ADPRHL1: variants seen among roughly 807,000 people sequenced by gnomAD.
ADPRHL1 encodes the protein ADP-ribosylhydrolase like 1.
In ADPRHL1, 43 loss-of-function variants were observed where a neutral mutation model predicts 44.1. The ratio of observed to expected loss-of-function variants is 0.98; its 90% CI spans 0.76 to 1.26. The LOEUF is 1.26. Ranked by LOEUF, ADPRHL1 falls within the 50% of genes most tolerant of loss-of-function variation. ADPRHL1 has a pLI of 0.00. For synonymous variants in ADPRHL1, 878 were observed against 1,017.4 expected (o/e 0.86, Z 2.61); for missense variants, 2,022 against 2,496.9 (o/e 0.81, Z 4.05).
At position 113,427,836 on chromosome 13, in the gene ADPRHL1, C is replaced by A. The variant is rs2043977923; in HGVS notation, c.646+1116G>T. On this transcript the variant is annotated intron_variant, in intron 4 of 7. Transcript: ENST00000612156. ...AGCACAGGCCTGGTGGCTGAGCAGC[C>A]CCTGAGCTGCGTCCAGGCGGGTATC... Among the ~76,000 whole-genome samples the A allele has an allele frequency of 2.0e-5, 3 of 152,118 alleles. No homozygotes were observed. In the South Asian group the frequency reaches 6.2e-4, roughly 31 times the overall value.
At chr13:113,433,681 G>A (rs2044023508) in intron 3 of ADPRHL1, 61 bp downstream of exon 3, 3 of 1,516,446 alleles carry the variant, frequency 2.0e-6, no homozygotes, top group Admixed American at 3.9e-5. Flanking sequence ...CTGTGAGGTG[G>A]TTGTGGGTCA....
chr13:113,409,582 C>T lies in ADPRHL1; in HGVS notation c.1062-1362G>A, dbSNP rs1009219882. ...GCCAAGTGAAAAGCTCACTCTAACCCGATTGTTTTTAAGAAGCTGAGGCCG... is the reference window on the plus strand; with the variant it reads ...GCCAAGTGAAAAGCTCACTCTAACCTGATTGTTTTTAAGAAGCTGAGGCCG... On this transcript the variant is annotated intron_variant, in intron 7 of 7. Transcript: ENST00000612156. This position sits in a 1 kb window ranked among gnomAD's most constrained non-coding sequence, Gnocchi z 4.2. The T allele has an allele frequency of 1.0e-5, 10 of 985,248 alleles. No homozygotes were observed. The highest frequency in any genetic ancestry group is 6.2e-5 in the Admixed American group (1 of 16,246). 61.0% of individuals were successfully genotyped at this position (985,248 alleles called of 1,614,324 possible). A position where few individuals can be genotyped will look rare whatever the true frequency, so the allele number is the denominator to read the frequency against.
At position 113,405,992 on chromosome 13, in the gene ADPRHL1, A is replaced by G; in HGVS notation, c.3290T>C (p.Leu1097Pro). The G allele has an allele frequency of 8.1e-7, 1 of 1,232,122 alleles. No individual in the cohort carries two copies. Among genetic ancestry groups the G allele is most frequent in the Non-Finnish European group, 1.0e-6 (1 of 988,034 alleles). 76.3% of individuals were successfully genotyped at this position (1,232,122 alleles called of 1,614,324 possible). The change falls in exon 8 of 8, where the codon CTG (leucine) becomes CCG (proline). Residue 1097 changes from leucine to proline, a missense_variant. Leu to Pro is a moderately conservative substitution (Grantham distance 98). Transcript: ENST00000612156. ...TTTGGGTGGTTCATTTAATGAGGAC[A>G]GTGGGTTCTCGCGAACATCATGGCT... ...ITSHDVRENP[L>P]SSLNEPPKPG...
rs922380008 is a variant in ADPRHL1 at position 113,404,570 on chromosome 13, G to A, written c.4712C>T (p.Pro1571Leu). The A allele has an allele frequency of 2.0e-5, 25 of 1,265,814 alleles. No individual in the cohort carries two copies. The African/African-American group carries it at 2.3e-4, about 12-fold the overall frequency. The allele number at this position is 1,265,814 out of a possible 1,614,324, so 78.4% of individuals were successfully genotyped here. ...QIEAQGQAQE[P>L]AQGGAQGQVQ... ...CTGTCCCTGGGCCCCACCCTGAGCT[G>A]GTTCCTGTGCCTGCCCCTGGGCCTC... The change falls in exon 8 of 8, where the codon CCA becomes CTA. Residue 1571 changes from proline (P) to leucine (L), a missense_variant. By Grantham distance (98) the Pro-to-Leu change is moderately conservative. Coordinates refer to ENST00000612156, the MANE Select transcript of ADPRHL1 (RefSeq NM_001394807.1).
At chr13:113,410,969 T>C (rs2043848380) in intron 7 of ADPRHL1, among the ~76,000 whole-genome samples, 1 of 152,182 alleles carries the variant, frequency 6.6e-6, no homozygotes, top group Admixed American at 6.5e-5. Context: ...CTGTCACACG[T>C]TTTGTCCCCG....
intron 1 of ADPRHL1, among the ~76,000 whole-genome samples, chr13:113,445,102 CCCA>C (rs1422716857): frequency 6.6e-6 from 1 of 152,186 alleles, no homozygotes; most frequent in Non-Finnish European, 1.5e-5. Flanking sequence ...CATCCCCAGC[CCCA>C]CAAGCAGTGT....
Position 113,425,136 on chromosome 13 carries a change from A to C in ADPRHL1, c.690T>G (p.Phe230Leu). Residue 230 changes from phenylalanine to leucine, a missense_variant, in exon 5 of 8, where the codon TTT becomes TTG. By Grantham distance (22) the Phe-to-Leu change is conservative. Transcript: ENST00000612156. ...TACTGATTTTCCTCTCCTCCAAATA[A>C]AATTGCCATTTAGCTTCAAAGTAAA... is the stretch of plus-strand genomic sequence containing the variant. ...HWFYFEAKWQ[F>L]YLEERKISKD... is the part of the protein sequence containing the mutation. 2 of 1,613,374 alleles carry C rather than the reference A, an allele frequency of 1.2e-6. No individual in the cohort carries two copies. Among genetic ancestry groups the C allele is most frequent in the South Asian group, 2.2e-5 (2 of 91,068 alleles).
At chr13:113,432,066 T>G (rs1026699609) in intron 3 of ADPRHL1, among the ~76,000 whole-genome samples, 1 of 152,114 alleles carries the variant, frequency 6.6e-6, no homozygotes, top group Non-Finnish European at 1.5e-5. Flanking sequence ...GCAAATGTTT[T>G]AGAAATTTAA....
rs1053687434 is a variant in ADPRHL1 at position 113,403,271 on chromosome 13, C to G, written c.*107G>C. On this transcript the variant is annotated 3_prime_UTR_variant, in exon 8 of 8. Transcript: ENST00000612156. ...GAAAGAAAATTATGGAAACAGGCGT[C>G]TCTGTAGGGGATGCTCCAAGACGCA... is the stretch of plus-strand genomic sequence containing the variant. The G allele has an allele frequency of 1.0e-6, 1 of 961,648 alleles. No homozygotes were observed. The highest frequency in any genetic ancestry group is 1.7e-5 in the African/African-American group (1 of 58,872). The allele number at this position is 961,648 out of a possible 1,614,324, so 59.6% of individuals were successfully genotyped here. A position where few individuals can be genotyped will look rare whatever the true frequency, so the allele number is the denominator to read the frequency against.
Position 113,407,283 on chromosome 13 carries a change from TC to T in ADPRHL1, c.1998del (p.Asn667ThrfsTer23). The stretch of plus-strand genomic sequence containing the variant: ...AGGGGCCCCTTTCCCACTGCTTTGT[TC>T]CCACTGGGCCCCGTCTCCCTGGCAC... Reference protein sequence around the residue: ...PPSARETGPSGNKAVGKGPLE... With the variant: ...PPSARETGPSXNKAVGKGPLE... On this transcript the variant is annotated frameshift_variant, in exon 8 of 8. Transcript: ENST00000612156. LOFTEE classifies it low-confidence loss of function (END_TRUNC). 1 of 1,232,000 alleles carries T rather than the reference TC, an allele frequency of 8.1e-7. No individual in the cohort carries two copies. Among genetic ancestry groups the T allele is most frequent in the Non-Finnish European group, 1.0e-6 (1 of 988,054 alleles). The allele number at this position is 1,232,000 out of a possible 1,614,324, so 76.3% of individuals were successfully genotyped here. A position where few individuals can be genotyped will look rare whatever the true frequency, so the allele number is the denominator to read the frequency against.
chr13:113,451,940 G>A (rs1271800715), intron 1 of ADPRHL1, among the ~76,000 whole-genome samples: 2 of 152,206 alleles, frequency 1.3e-5, no homozygotes, highest in Non-Finnish European at 2.9e-5. Flanking sequence ...TGCGGGCCTG[G>A]CAGGACCAGA....
intron 7 of ADPRHL1, among the ~76,000 whole-genome samples, chr13:113,421,643 C>T (rs937566437): frequency 6.6e-6 from 1 of 152,214 alleles, no homozygotes; most frequent in South Asian, 2.1e-4. Flanking sequence ...CCGTGGCCCC[C>T]ACCTGTGAAG....
Position 113,407,275 on chromosome 13 carries a change from T to G in ADPRHL1, c.2007A>C (p.Ala669=). ...ARETGPSGNK[A]VGKGPLEEEP... ...CCTCCTCCAGGGGCCCCTTTCCCAC[T>G]GCTTTGTTCCCACTGGGCCCCGTCT... Residue 669 remains alanine (A), a synonymous_variant, in exon 8 of 8, where the codon GCA becomes GCC. Coordinates refer to ENST00000612156, the MANE Select transcript of ADPRHL1 (RefSeq NM_001394807.1). 8.1e-7 allele frequency: 1 copy of G among 1,232,026 alleles called. No individual in the cohort carries two copies. Among genetic ancestry groups the G allele is most frequent in the Non-Finnish European group, 1.0e-6 (1 of 988,032 alleles). The allele number at this position is 1,232,026 out of a possible 1,614,324, so 76.3% of individuals were successfully genotyped here.
In ADPRHL1 at chr13:113,444,472, T is replaced by C. The variant is rs757778064; in HGVS notation, c.332A>G (p.Lys111Arg). ...CCAGGCGAGAAGGTAGTTATTGGGC[T>C]TTAGCTGAGCACAGCCTTCAATGGT... ...PATIEGCAQL[K>R]PNNYLLAWHT... The change falls in exon 2 of 8, where the codon AAG (lysine) becomes AGG (arginine). Residue 111 changes from lysine (K) to arginine (R), a missense_variant. Lys to Arg is a conservative substitution (Grantham distance 26). This residue lies in a region of ADPRHL1 where 437 missense variants were observed against 430.7 expected (regional missense o/e 1.01). Coordinates refer to ENST00000612156, the MANE Select transcript of ADPRHL1 (RefSeq NM_001394807.1). The C allele has an allele frequency of 5.6e-6, 9 of 1,614,240 alleles. No individual in the cohort carries two copies. Among genetic ancestry groups the C allele is most frequent in the Non-Finnish European group, 7.6e-6 (9 of 1,180,034 alleles).
intron 1 of ADPRHL1, among the ~76,000 whole-genome samples, chr13:113,450,962 C>CCA: frequency 6.6e-6 from 1 of 151,812 alleles, no homozygotes; most frequent in African/African-American, 2.4e-5. Context: ...ACCCCCCCCC[C>CCA]CTTCCTGGTC....
intron 6 of ADPRHL1, among the ~76,000 whole-genome samples, chr13:113,423,892 C>A (rs144575873): frequency 1.4e-4 from 21 of 152,354 alleles, no homozygotes; most frequent in East Asian, 3.9e-4. Context: ...GCCCCCACAC[C>A]CCTACACCCC....
chr13:113,414,272 C>T (rs957931338), intron 7 of ADPRHL1, among the ~76,000 whole-genome samples: 1 of 152,236 alleles, frequency 6.6e-6, no homozygotes, highest in Non-Finnish European at 1.5e-5. Context: ...CTGACAGGGA[C>T]ACTTGGATGC....
At chr13:113,444,655 G>A (rs1336098449) in intron 1 of ADPRHL1, 66 bp from the exon 2 acceptor site, 54 of 1,554,780 alleles carry the variant, frequency 3.5e-5, no homozygotes, top group East Asian at 2.3e-5. Flanking sequence ...TCCCTCCCGC[G>A]GGGTCAGGCA....
intron 7 of ADPRHL1, 33 bp from the exon 8 acceptor site, chr13:113,408,253 T>G: frequency 1.6e-6 from 2 of 1,231,746 alleles, no homozygotes; most frequent in Non-Finnish European, 2.0e-6. Flanking sequence ...ACCTACTTCA[T>G]CATCATTTTT....
Sources: gnomAD v4.1 joint callset for allele counts (sites outside exome capture counted in the v4.1 genomes callset) on GRCh38, gnomAD v4.1.1 for gene constraint, gnomAD v4.1.1 regional missense constraint, Gnocchi (gnomAD v3.1) non-coding constraint, MANE v1.5 for transcripts, NCBI Gene and HGNC (gene_info 2026-07-23, HGNC 2026-07-21) for gene names.